COL4A2: variants seen among roughly 807,000 people sequenced by gnomAD.
COL4A2 encodes collagen type IV alpha 2 chain.
A neutral mutation model predicts 200.2 loss-of-function variants in COL4A2; 99 were observed. The ratio of observed to expected loss-of-function variants is 0.49; its 90% CI spans 0.42 to 0.58. The LOEUF is 0.58. Among genes scored for constraint, COL4A2 ranks in the 20% least tolerant of loss-of-function variants. The pLI, the probability that COL4A2 is intolerant of heterozygous loss-of-function variation, is 0.00. For missense variants in COL4A2, 1,950 were observed against 2,314.1 expected, an observed-to-expected ratio of 0.84 and a Z score of 3.23; for synonymous variants, 897 against 900.6, an observed-to-expected ratio of 1.00 and a Z score of 0.07.
At chr13:110,309,471 T>TGCACGCGCAC (rs1184612569) in intron 3 of COL4A2, among the ~76,000 whole-genome samples, 1 of 152,220 alleles carries the variant, frequency 6.6e-6, no homozygotes, top group Non-Finnish European at 1.5e-5. Context: ...AAGCAATGCA[T>TGCACGCGCAC]GCACGCGCAC....
Position 110,458,618 on chromosome 13 carries a change from T to A in COL4A2, c.1433-153T>A, listed in dbSNP as rs568784638. The stretch of plus-strand genomic sequence containing the variant: ...CTTAGTCTGAGCCTCAGTTTTCCCA[T>A]CTAAGAAATGGGGGTCATAGTGCCC... On this transcript the variant is annotated intron_variant, in intron 21 of 47. Transcript: ENST00000360467. Among the ~76,000 whole-genome samples, 4 of 152,216 alleles carry A rather than the reference T, an allele frequency of 2.6e-5. No homozygotes were observed. In the East Asian group the frequency reaches 7.8e-4, roughly 30 times the overall value.
chr13:110,497,821 C>T (rs61970308), intron 40 of COL4A2, among the ~76,000 whole-genome samples: 7,140 of 48,958 alleles, frequency 0.15, 1,286 homozygotes, highest in Non-Finnish European at 0.22. Flanking sequence ...GCAGCACAGC[C>T]TCAGTCAGGG....
At chr13:110,456,734 T>C (rs1406225340) in intron 20 of COL4A2, 2 of 471,996 alleles carry the variant, frequency 4.2e-6, no homozygotes, top group East Asian at 6.9e-5. Context: ...GCCCATGCCC[T>C]GTGTCTGGGG....
intron 41 of COL4A2, 79 bp from the exon 42 acceptor site, chr13:110,503,042 G>A (rs1883705273): frequency 2.3e-6 from 3 of 1,332,712 alleles, no homozygotes; most frequent in Admixed American, 2.2e-5. Context: ...TCGCCTGAAT[G>A]GGTGACGGTG....
chr13:110,499,429 A>G (rs1448957621), intron 40 of COL4A2, among the ~76,000 whole-genome samples: 1 of 152,186 alleles, frequency 6.6e-6, no homozygotes, highest in Non-Finnish European at 1.5e-5. Flanking sequence ...GGAACTCACT[A>G]TCACGAGAAC....
chr13:110,350,214 T>C (rs1433586696), intron 3 of COL4A2, among the ~76,000 whole-genome samples: 1 of 152,164 alleles, frequency 6.6e-6, no homozygotes, highest in Non-Finnish European at 1.5e-5. Context: ...TCCAATTGAG[T>C]AGAATGTAAT....
At chr13:110,454,771 C>G (rs1594225302) in intron 20 of COL4A2, among the ~76,000 whole-genome samples, 1 of 152,294 alleles carries the variant, frequency 6.6e-6, no homozygotes, top group South Asian at 2.1e-4. Context: ...TGGTCACTCG[C>G]TCGTTTCCTC....
At chr13:110,451,381 T>C (rs1430044696) in intron 20 of COL4A2, among the ~76,000 whole-genome samples, 1 of 152,236 alleles carries the variant, frequency 6.6e-6, no homozygotes, top group African/African-American at 2.4e-5. Flanking sequence ...TAATCAGCTG[T>C]ATTAGTTCGT....
At chr13:110,478,381 C>T (rs922146145) in intron 30 of COL4A2, among the ~76,000 whole-genome samples, 4 of 152,196 alleles carry the variant, frequency 2.6e-5, no homozygotes, top group Non-Finnish European at 5.9e-5. Flanking sequence ...TATTAAGGAT[C>T]TAGGGAAGGT....
chr13:110,500,056 A>G (rs374821129), intron 40 of COL4A2, among the ~76,000 whole-genome samples: 1 of 152,148 alleles, frequency 6.6e-6, no homozygotes, highest in African/African-American at 2.4e-5. Context: ...CTCTCTAAAT[A>G]TTTATCCTGC....
At chr13:110,397,000 C>T (rs1262151904) in intron 4 of COL4A2, among the ~76,000 whole-genome samples, 2 of 152,174 alleles carry the variant, frequency 1.3e-5, no homozygotes, top group Non-Finnish European at 1.5e-5. Flanking sequence ...TCCTGAGCAC[C>T]CAGGCTTCAC....
At chr13:110,439,898 T>C (rs1412375000) in intron 16 of COL4A2, 65 bp downstream of exon 16, 3 of 1,569,530 alleles carry the variant, frequency 1.9e-6, no homozygotes, top group African/African-American at 2.8e-5. Flanking sequence ...GTTAAATAAA[T>C]AGGCCTTGGC....
chr13:110,488,473 C>T (rs1883179628), intron 34 of COL4A2, among the ~76,000 whole-genome samples: 1 of 152,160 alleles, frequency 6.6e-6, no homozygotes, highest in Non-Finnish European at 1.5e-5. Flanking sequence ...CTAGGGCTTC[C>T]AGGAAGCCAC....
At chr13:110,468,397 G>C (rs1185487245) in intron 27 of COL4A2, 3 of 458,640 alleles carry the variant, frequency 6.5e-6, no homozygotes, top group Non-Finnish European at 1.4e-5. Flanking sequence ...CATGTCTCAG[G>C]TGGTCAGGGA....
chr13:110,444,792 T>C (rs1881260352), intron 16 of COL4A2, among the ~76,000 whole-genome samples: 1 of 152,232 alleles, frequency 6.6e-6, no homozygotes, highest in Non-Finnish European at 1.5e-5. Context: ...TATGACTCAA[T>C]GATAAACTTT....
At chr13:110,440,620 A>AT (rs1170606482) in intron 16 of COL4A2, among the ~76,000 whole-genome samples, 2 of 152,174 alleles carry the variant, frequency 1.3e-5, no homozygotes, top group Admixed American at 6.5e-5. Flanking sequence ...TAATGATAAA[A>AT]TTTTTAAAAA....
intron 3 of COL4A2, among the ~76,000 whole-genome samples, chr13:110,313,083 G>C (rs1437113609): frequency 6.6e-6 from 1 of 152,158 alleles, no homozygotes; most frequent in Non-Finnish European, 1.5e-5. Context: ...ATATCGCTTA[G>C]AAATCAATAT....
At chr13:110,342,465 A>G (rs1876501784) in intron 3 of COL4A2, among the ~76,000 whole-genome samples, 1 of 152,162 alleles carries the variant, frequency 6.6e-6, no homozygotes, top group Non-Finnish European at 1.5e-5. Context: ...ATGGAAATAC[A>G]CCAGCATCTT....
In COL4A2 at chr13:110,496,358, T is replaced by C. The variant is rs551035695; in HGVS notation, c.3760+891T>C. Among the ~76,000 whole-genome samples the C allele has an allele frequency of 1.4e-4, 22 of 152,212 alleles. No homozygotes were observed. The South Asian group carries it at 4.6e-3, about 32-fold the overall frequency. On this transcript the variant is annotated intron_variant, in intron 40 of 47. Coordinates refer to ENST00000360467, the MANE Select transcript of COL4A2 (RefSeq NM_001846.4). The stretch of plus-strand genomic sequence containing the variant: ...ACTCTCCAGGATCTGCTGCCTGCCC[T>C]CTCCCCTCACCAGCAGCTGGAAACT...
Sources: allele counts gnomAD v4.1 joint callset (sites outside exome capture counted in the v4.1 genomes callset), GRCh38; gene constraint gnomAD v4.1.1; transcripts MANE v1.5; gene names NCBI Gene and HGNC (gene_info 2026-07-23, HGNC 2026-07-21).